The following CLVS1 variants were observed in gnomAD, a reference collection of about 807,000 sequenced individuals.
CLVS1 encodes the protein clavesin 1.
Under a neutral mutation model 33.1 loss-of-function variants are expected in CLVS1, and 10 were observed. That is an observed-to-expected ratio of 0.30 (90% confidence interval 0.19 to 0.51). The LOEUF (loss-of-function observed/expected upper bound fraction) is 0.51, where lower values mean the gene tolerates loss of function less well. Among genes scored for constraint, CLVS1 ranks in the 20% least tolerant of loss-of-function variants. CLVS1 has a pLI of 0.97. For synonymous variants in CLVS1, 163 were observed against 166.1 expected, an observed-to-expected ratio of 0.98 and a Z score of 0.14; for missense variants, 343 against 433.4, an observed-to-expected ratio of 0.79 and a Z score of 1.85.
At chr8:61,011,594 G>A in the CLVS1 span, among the ~76,000 whole-genome samples, 13 of 151,996 alleles carry the variant, frequency 8.6e-5, no homozygotes, top group African/African-American at 3.1e-4. Context: ...GATTACAGGG[G>A]CCTGCCACCA....
chr8:61,084,840 G>C (rs1229697142), intron 1 of CLVS1, among the ~76,000 whole-genome samples: 1 of 152,174 alleles, frequency 6.6e-6, no homozygotes, highest in Non-Finnish European at 1.5e-5. Flanking sequence ...GATAGAAGAG[G>C]CTGATGAAAC....
chr8:61,463,140 A>G (rs1363420294), intron 5 of CLVS1, among the ~76,000 whole-genome samples: 1 of 152,152 alleles, frequency 6.6e-6, no homozygotes, highest in Non-Finnish European at 1.5e-5. Flanking sequence ...CTTAAGCCTC[A>G]TGAACCAACC....
intron 3 of CLVS1, among the ~76,000 whole-genome samples, chr8:61,408,884 T>C (rs750548859): frequency 2.6e-5 from 4 of 152,156 alleles, no homozygotes; most frequent in Non-Finnish European, 5.9e-5. Context: ...ATCTCAAAGA[T>C]AGATACCTAG....
At chr8:61,253,853 C>T (rs971515471) in intron 2 of CLVS1, among the ~76,000 whole-genome samples, 1 of 152,132 alleles carries the variant, frequency 6.6e-6, no homozygotes, top group African/African-American at 2.4e-5. Flanking sequence ...AACCTCTTTG[C>T]CATGGGTTCG....
the CLVS1 span, among the ~76,000 whole-genome samples, chr8:61,047,968 A>T: frequency 6.6e-6 from 1 of 151,808 alleles, no homozygotes; most frequent in African/African-American, 2.4e-5. Context: ...AAAATTCATC[A>T]TCCATTAATG....
intron 3 of CLVS1, among the ~76,000 whole-genome samples, chr8:61,390,047 C>A (rs921686134): frequency 1.3e-5 from 2 of 152,096 alleles, no homozygotes; most frequent in African/African-American, 4.8e-5. Flanking sequence ...GGTTGAAATC[C>A]ATAATATTGT....
intron 2 of CLVS1, among the ~76,000 whole-genome samples, chr8:61,214,976 C>A (rs80288049): frequency 0.05 from 7,592 of 152,226 alleles, 256 homozygotes; most frequent in Middle Eastern, 0.15. Flanking sequence ...ACCTGAATAA[C>A]CATTTTCACA....
chr8:61,065,730 TA>T (rs1320580782), intron 1 of CLVS1, among the ~76,000 whole-genome samples: 1 of 152,230 alleles, frequency 6.6e-6, no homozygotes, highest in Non-Finnish European at 1.5e-5. Context: ...AAGGGTATAA[TA>T]TATGGAGTAA....
At chr8:61,458,644 GAACTTGAA>G in intron 5 of CLVS1, 102 bp downstream of exon 5, 2 of 752,208 alleles carry the variant, frequency 2.7e-6, no homozygotes, top group Non-Finnish European at 4.2e-6. Context: ...TATGGGCAGA[GAACTTGAA>G]TAAAATAAAT....
intron 5 of CLVS1, among the ~76,000 whole-genome samples, chr8:61,459,832 T>C (rs1817307508): frequency 6.6e-6 from 1 of 152,210 alleles, no homozygotes; most frequent in African/African-American, 2.4e-5. Flanking sequence ...ATTTATTTTC[T>C]TACAGTTCTG....
intron 2 of CLVS1, among the ~76,000 whole-genome samples, chr8:61,183,156 G>GA (rs1177001751): frequency 2.0e-5 from 3 of 150,768 alleles, no homozygotes; most frequent in African/African-American, 7.4e-5. Context: ...GCAGGGCGGA[G>GA]GGGGGCAGGC....
intron 5 of CLVS1, among the ~76,000 whole-genome samples, chr8:61,462,994 C>A (rs1165155892): frequency 1.3e-5 from 2 of 152,166 alleles, no homozygotes; most frequent in African/African-American, 4.8e-5. Context: ...GCTGTTTTGT[C>A]ATTGGAAATC....
chr8:61,328,693 TTAGA>T (rs1811478142), intron 2 of CLVS1, among the ~76,000 whole-genome samples: 1 of 152,210 alleles, frequency 6.6e-6, no homozygotes, highest in African/African-American at 2.4e-5. Context: ...CTTCTCTGCC[TTAGA>T]TAGATTTCTC....
At chr8:61,111,905 A>G (rs1563406934) in intron 1 of CLVS1, among the ~76,000 whole-genome samples, 1 of 152,202 alleles carries the variant, frequency 6.6e-6, no homozygotes, top group Admixed American at 6.5e-5. Flanking sequence ...TAATTTTTCC[A>G]GAAGATCTCT....
intron 3 of CLVS1, among the ~76,000 whole-genome samples, chr8:61,428,696 G>A (rs1159008210): frequency 6.6e-6 from 1 of 152,172 alleles, no homozygotes; most frequent in African/African-American, 2.4e-5. Flanking sequence ...CCCATTATAT[G>A]CCAGGGATTG....
At chr8:61,316,221 A>C (rs1016110386) in intron 2 of CLVS1, among the ~76,000 whole-genome samples, 2 of 152,346 alleles carry the variant, frequency 1.3e-5, no homozygotes, top group African/African-American at 4.8e-5. Flanking sequence ...TTATTGCAGC[A>C]CTATTCACAT....
chr8:61,341,548 G>C (rs1418590467), intron 2 of CLVS1, among the ~76,000 whole-genome samples: 1 of 152,166 alleles, frequency 6.6e-6, no homozygotes, highest in Non-Finnish European at 1.5e-5. Flanking sequence ...TAATCAGCTT[G>C]ACACCCACCA....
intron 3 of CLVS1, among the ~76,000 whole-genome samples, chr8:61,399,082 G>A (rs1425319098): frequency 1.3e-5 from 2 of 152,118 alleles, no homozygotes; most frequent in Non-Finnish European, 2.9e-5. Flanking sequence ...AAGAATTACT[G>A]GATCAAATGG....
the CLVS1 span, among the ~76,000 whole-genome samples, chr8:60,981,548 G>C: frequency 6.6e-6 from 1 of 152,234 alleles, no homozygotes; most frequent in East Asian, 1.9e-4. Flanking sequence ...TGCTTTGCAG[G>C]CATGAAGATA....
Sources: allele counts gnomAD v4.1 joint callset (sites outside exome capture counted in the v4.1 genomes callset), GRCh38; gene constraint gnomAD v4.1.1; transcripts MANE v1.5; gene names NCBI Gene and HGNC (gene_info 2026-07-23, HGNC 2026-07-21).